Variants in PPARGC1A observed in about 807,000 individuals in gnomAD.
PPARGC1A encodes the protein peroxisome proliferator-activated receptor gamma coactivator 1-alpha.
Under a neutral mutation model 88.7 loss-of-function variants are expected in PPARGC1A, and 25 were observed. That is an observed-to-expected ratio of 0.28 (90% confidence interval 0.21 to 0.39). The LOEUF is 0.39. Ranked by LOEUF, PPARGC1A falls within the 10% of genes least tolerant of loss-of-function variation. PPARGC1A has a pLI of 1.00. For missense variants in PPARGC1A, 880 were observed against 968.7 expected, an observed-to-expected ratio of 0.91 and a Z score of 1.22; for synonymous variants, 363 against 355.6, an observed-to-expected ratio of 1.02 and a Z score of -0.24.
chr4:23,980,092 C>T, the PPARGC1A span, among the ~76,000 whole-genome samples: 1 of 150,016 alleles, frequency 6.7e-6, no homozygotes, highest in African/African-American at 2.5e-5. Flanking sequence ...ATGTTTTCCT[C>T]TGATTCAGTA....
the PPARGC1A span, among the ~76,000 whole-genome samples, chr4:24,238,745 A>ATGTGTGTGTGTGTG: frequency 8.2e-5 from 10 of 121,808 alleles, no homozygotes; most frequent in South Asian, 2.8e-4. Context: ...AAGGTTGTAT[A>ATGTGTGTGTGTGTG]TGTGTGTGTG....
At chr4:24,435,819 A>G in the PPARGC1A span, among the ~76,000 whole-genome samples, 265 of 152,358 alleles carry the variant, frequency 1.7e-3, 1 homozygote, top group African/African-American at 6.1e-3. Flanking sequence ...CACACAGCAT[A>G]TAAGTAGGCA....
chr4:24,237,727 C>T, the PPARGC1A span, among the ~76,000 whole-genome samples: 2 of 152,170 alleles, frequency 1.3e-5, no homozygotes, highest in Non-Finnish European at 2.9e-5. Context: ...ACTGAGGGGG[C>T]TCACATTATC....
At chr4:24,128,710 T>C in the PPARGC1A span, among the ~76,000 whole-genome samples, 1 of 152,140 alleles carries the variant, frequency 6.6e-6, no homozygotes, top group Non-Finnish European at 1.5e-5. Context: ...ATTAGATTCA[T>C]AACAATTAGA....
At chr4:23,973,922 A>C in the PPARGC1A span, among the ~76,000 whole-genome samples, 1 of 152,138 alleles carries the variant, frequency 6.6e-6, no homozygotes, top group Non-Finnish European at 1.5e-5. Flanking sequence ...GGAGGAGGAA[A>C]ACTAGCTCTT....
the PPARGC1A span, among the ~76,000 whole-genome samples, chr4:24,029,783 A>G: frequency 2.0e-5 from 3 of 151,472 alleles, no homozygotes; most frequent in Non-Finnish European, 4.4e-5. Flanking sequence ...AAACCACAGG[A>G]AAAAAAAATA....
At chr4:24,144,552 G>A in the PPARGC1A span, among the ~76,000 whole-genome samples, 44,716 of 151,366 alleles carry the variant, frequency 0.3, 7,160 homozygotes, top group African/African-American at 0.4. Flanking sequence ...TTGCTGTACC[G>A]TGTCCAGGGA....
chr4:23,879,837 A>C (rs1293114857), intron 2 of PPARGC1A: 1 of 152,028 alleles, frequency 6.6e-6, no homozygotes, highest in African/African-American at 2.4e-5. Context: ...AACATTTCCA[A>C]CTGGGTTCTC....
chr4:24,040,029 T>C, the PPARGC1A span, among the ~76,000 whole-genome samples: 1 of 152,166 alleles, frequency 6.6e-6, no homozygotes, highest in Non-Finnish European at 1.5e-5. Flanking sequence ...CCACATCCCA[T>C]CCTGAAGACA....
At chr4:24,059,921 G>A in the PPARGC1A span, among the ~76,000 whole-genome samples, 94 of 152,176 alleles carry the variant, frequency 6.2e-4, no homozygotes, top group Middle Eastern at 3.4e-3. Context: ...CTCTGATTGC[G>A]CCGTCTCTGC....
upstream of PPARGC1A, among the ~76,000 whole-genome samples, chr4:23,899,896 C>G (rs150847884): frequency 8.8e-4 from 134 of 152,046 alleles, no homozygotes; most frequent in African/African-American, 3.1e-3. Flanking sequence ...GAGCTAAACT[C>G]TTATGATACA....
the PPARGC1A span, among the ~76,000 whole-genome samples, chr4:24,363,290 G>A: frequency 1.3e-5 from 2 of 152,040 alleles, no homozygotes; most frequent in Non-Finnish European, 2.9e-5. Flanking sequence ...CTTATATGTC[G>A]ATCTAACACT....
rs1247301287 is a variant in PPARGC1A at position 23,844,443 on chromosome 4, A to T, written c.235-12692T>A. Among the ~76,000 whole-genome samples, 6 of 123,718 alleles carry T rather than the reference A, an allele frequency of 4.8e-5. No individual in the cohort carries two copies. The East Asian group carries it at 1.2e-3, about 24-fold the overall frequency. 81.2% of individuals were successfully genotyped at this position (123,718 alleles called of 152,430 possible). A position where few individuals can be genotyped will look rare whatever the true frequency, so the allele number is the denominator to read the frequency against. On this transcript the variant is annotated intron_variant, in intron 2 of 12. Coordinates refer to ENST00000264867, the MANE Select transcript of PPARGC1A (RefSeq NM_013261.5). Reference sequence around the variant, plus strand: ...TAATATATTATATATATTATATATAATATAGAATATATTTATTATATATTC... The same window carrying T: ...TAATATATTATATATATTATATATATTATAGAATATATTTATTATATATTC...
the PPARGC1A span, among the ~76,000 whole-genome samples, chr4:24,003,433 G>A: frequency 4.6e-5 from 7 of 152,200 alleles, no homozygotes; most frequent in Non-Finnish European, 1.0e-4. Flanking sequence ...AAAAAAATGT[G>A]CAGTCAAAGA....
At chr4:23,874,980 A>T (rs1714395595) in intron 2 of PPARGC1A, among the ~76,000 whole-genome samples, 1 of 152,254 alleles carries the variant, frequency 6.6e-6, no homozygotes, top group African/African-American at 2.4e-5. Context: ...AATTTGCATA[A>T]GTAGTTTTGC....
the PPARGC1A span, among the ~76,000 whole-genome samples, chr4:24,289,902 G>T: frequency 1.3e-5 from 2 of 152,196 alleles, no homozygotes; most frequent in African/African-American, 4.8e-5. Context: ...AAAGGAAAGA[G>T]GTTTAATGGA....
intron 2 of PPARGC1A, among the ~76,000 whole-genome samples, chr4:23,843,241 A>C (rs1364332413): frequency 6.6e-6 from 1 of 151,932 alleles, no homozygotes; most frequent in Non-Finnish European, 1.5e-5. Context: ...AGAGGTCTTA[A>C]GCATTTCTCA....
At chr4:23,874,103 G>A (rs551060748) in intron 2 of PPARGC1A, among the ~76,000 whole-genome samples, 6 of 152,244 alleles carry the variant, frequency 3.9e-5, no homozygotes, top group African/African-American at 1.2e-4. Flanking sequence ...CAACATTATC[G>A]CAAGCCAGAA....
chr4:24,183,330 T>G, the PPARGC1A span, among the ~76,000 whole-genome samples: 1 of 152,316 alleles, frequency 6.6e-6, no homozygotes, highest in African/African-American at 2.4e-5. Context: ...CTCACTAAGT[T>G]ACCCACAATC....
Sources: gnomAD v4.1 joint callset for allele counts (sites outside exome capture counted in the v4.1 genomes callset) on GRCh38, gnomAD v4.1.1 for gene constraint, MANE v1.5 for transcripts, NCBI Gene and HGNC (gene_info 2026-07-23, HGNC 2026-07-21) for gene names.